Variants in ABCA3 observed in about 807,000 individuals in gnomAD.
ABCA3 encodes the protein ATP binding cassette subfamily A member 3.
ABCA3 carries 88 observed loss-of-function variants against 172.8 expected under a neutral mutation model. That is an observed-to-expected ratio of 0.51 (90% CI 0.43 to 0.61). ABCA3 has a LOEUF of 0.61. ABCA3 is among the 20% of genes least tolerant of loss of function. The pLI, the probability that ABCA3 is intolerant of heterozygous loss-of-function variation, is 0.00. For missense variants in ABCA3, 2,164 were observed against 2,301.0 expected (o/e 0.94, Z 1.22); for synonymous variants, 1,066 against 983.8 (o/e 1.08, Z -1.56).
intron 6 of ABCA3, among the ~76,000 whole-genome samples, 193 bp from the exon 7 acceptor site, chr16:2,323,881 CA>C (rs1425634389): frequency 2.0e-5 from 3 of 152,136 alleles, no homozygotes; most frequent in Non-Finnish European, 4.4e-5. Context: ...GGGAGCCACA[CA>C]GGGGCCCCTT....
In ABCA3 at chr16:2,283,406, T is replaced by C; in HGVS notation, c.3863-48A>G. The stretch of plus-strand genomic sequence containing the variant: ...TGCCCCGAGGCCTGGGGCACCCTCC[T>C]CCCCTTCCAGGTTCCCGGCCCCCAC... On this transcript the variant is annotated intron_variant, in intron 25 of 32. Coordinates refer to ENST00000301732, the MANE Select transcript of ABCA3 (RefSeq NM_001089.3). The surrounding 1 kb of genome is among the most constrained non-coding windows in gnomAD (Gnocchi z 5.4). 6.3e-7 allele frequency: 1 copy of C among 1,596,752 alleles called. No individual in the cohort carries two copies.
At position 2,324,393 on chromosome 16, in the gene ABCA3, G is replaced by A. The variant is rs117031141; in HGVS notation, c.447+11C>T. 37,155 of 1,587,038 alleles carry A rather than the reference G, an allele frequency of 0.023. 524 individuals are homozygous for A. Among genetic ancestry groups the A allele is most frequent in the Non-Finnish European group, 0.027 (31,205 of 1,172,490 alleles). ...TGGGCTGTGACTGCTCGGCCCGGCC[G>A]CACGTCTCACCGCCAGCGGCAGGGG... is the stretch of plus-strand genomic sequence containing the variant. On this transcript the variant is annotated intron_variant, in intron 6 of 32. Transcript: ENST00000301732.
At position 2,311,193 on chromosome 16, in the gene ABCA3, C is replaced by T. The variant is rs1484354888; in HGVS notation, c.1112-2570G>A. On this transcript the variant is annotated intron_variant, in intron 10 of 32. Transcript: ENST00000301732. ...TTCACCATGTTGGCCAGGGTGGTCT[C>T]GATCTCTTGACCTCGTGATCCGCCT... is the stretch of plus-strand genomic sequence containing the variant. 2.0e-5 allele frequency among the ~76,000 whole-genome samples: 3 copies of T among 151,544 alleles called. No homozygotes were observed. In the South Asian group the frequency reaches 6.3e-4, roughly 32 times the overall value.
chr16:2,308,399 C>G (rs1457554353), intron 11 of ABCA3, 51 bp downstream of exon 11: 9 of 1,611,206 alleles, frequency 5.6e-6, no homozygotes, highest in Non-Finnish European at 6.8e-6. Context: ...GTTGGGTGCT[C>G]TCGAAGGTTA....
At chr16:2,332,233 C>CTTT in intron 1 of ABCA3, 1 of 365,026 alleles carries the variant, frequency 2.7e-6, no homozygotes, top group South Asian at 4.4e-5. Context: ...TCCTCCATTT[C>CTTT]TTTTTTTTTT....
intron 10 of ABCA3, among the ~76,000 whole-genome samples, chr16:2,316,490 CAAAAAAAAAAAAAAAAA>C (rs71148128): frequency 9.4e-4 from 27 of 28,876 alleles, no homozygotes; most frequent in Non-Finnish European, 1.8e-3. Flanking sequence ...ACTAAAAATG[CAAAAAAAAAAAAAAAAA>C]AAAAAAAAAA....
chr16:2,322,187 A>G (rs2093727142), intron 7 of ABCA3, among the ~76,000 whole-genome samples: 1 of 149,914 alleles, frequency 6.7e-6, no homozygotes, highest in African/African-American at 2.5e-5. Context: ...ACAGAGCAAG[A>G]TTCTGTCTGA....
rs909486169 is a variant in ABCA3 at position 2,314,743 on chromosome 16, A to C, written c.1111+2540T>G. ...AGGCATGTGCCACCACACCTGGCTA[A>C]TTTTGTATTTTTAGTAGAGACAGGG... On this transcript the variant is annotated intron_variant, in intron 10 of 32. Transcript: ENST00000301732. 8.7e-5 allele frequency among the ~76,000 whole-genome samples: 13 copies of C among 149,882 alleles called. 1 individual carries two copies. The Admixed American group carries it at 8.7e-4, about 10-fold the overall frequency.
At position 2,297,806 on chromosome 16, in the gene ABCA3, C is replaced by A. The variant is rs759555069; in HGVS notation, c.2012G>T (p.Arg671Leu). Residue 671 changes from arginine (R) to leucine (L), a missense_variant, in exon 16 of 33, where the codon CGC (arginine) becomes CTC (leucine). Physicochemically the swap from Arg to Leu is moderately radical, Grantham distance 102 (BLOSUM62 -2). Around this residue, in one of 3 missense-constraint regions of ABCA3, gnomAD observed 1,343 missense variants for 1,369.6 expected, o/e 0.98. Coordinates refer to ENST00000301732, the MANE Select transcript of ABCA3 (RefSeq NM_001089.3). The surrounding 1 kb of genome is among the most constrained non-coding windows in gnomAD (Gnocchi z 5.6). ...GAGGGCGATGCCGATGGAGAGCTTG[C>A]GCCTCATGCCCCCGCTCAGGAAGCG... ...RSRFLSGGMR[R>L]KLSIGIALIA... The A allele has an allele frequency of 3.7e-6, 6 of 1,613,298 alleles. No individual in the cohort carries two copies. The highest frequency in any genetic ancestry group is 1.3e-5 in the African/African-American group (1 of 74,942).
chr16:2,284,562 G>A lies in ABCA3; in HGVS notation c.3704-125C>T. 9.2e-6 allele frequency: 13 copies of A among 1,418,754 alleles called. No individual in the cohort carries two copies. Among genetic ancestry groups the A allele is most frequent in the Non-Finnish European group, 1.3e-5 (13 of 1,013,294 alleles). 87.9% of individuals were successfully genotyped at this position (1,418,754 alleles called of 1,614,324 possible). On this transcript the variant is annotated intron_variant, in intron 24 of 32. Coordinates refer to ENST00000301732, the MANE Select transcript of ABCA3 (RefSeq NM_001089.3). This position sits in a 1 kb window ranked among gnomAD's most constrained non-coding sequence, Gnocchi z 5.9. ...TGTGGAGTGAGGGGGCACCTCCCAGGGACGCCCCTGCCGGCTCTGCACAGG... is the reference window on the plus strand; with the variant it reads ...TGTGGAGTGAGGGGGCACCTCCCAGAGACGCCCCTGCCGGCTCTGCACAGG...
intron 7 of ABCA3, among the ~76,000 whole-genome samples, chr16:2,320,121 C>T (rs1175094851): frequency 2.0e-5 from 3 of 150,494 alleles, no homozygotes; most frequent in South Asian, 2.1e-4. Flanking sequence ...TTTTTTGAGA[C>T]GGAATCTCAC....
At chr16:2,317,236 C>T (rs1268475841) in intron 10 of ABCA3, 47 bp downstream of exon 10, 3 of 1,611,738 alleles carry the variant, frequency 1.9e-6, no homozygotes, top group Non-Finnish European at 1.7e-6. Flanking sequence ...ATGCAGATGG[C>T]CCTTGGCCCC....
chr16:2,306,999 A>G (rs1455329967), intron 11 of ABCA3, among the ~76,000 whole-genome samples: 9 of 132,624 alleles, frequency 6.8e-5, no homozygotes, highest in Admixed American at 8.5e-5. Context: ...TGGGTGAAAG[A>G]GTGAGAGACT....
At chr16:2,320,940 A>G (rs1306954605) in intron 7 of ABCA3, among the ~76,000 whole-genome samples, 1 of 145,324 alleles carries the variant, frequency 6.9e-6, no homozygotes, top group Admixed American at 6.9e-5. Context: ...AAAGATATTT[A>G]CTCTGTGTCA....
intron 3 of ABCA3, 95 bp downstream of exon 3, chr16:2,328,358 T>C: frequency 2.6e-6 from 1 of 383,184 alleles, no homozygotes; most frequent in South Asian, 1.9e-5. Flanking sequence ...AGCAAGACCC[T>C]ATCTCTATAC....
At chr16:2,329,080 A>G (rs1033482553) in intron 2 of ABCA3, among the ~76,000 whole-genome samples, 1 of 151,984 alleles carries the variant, frequency 6.6e-6, no homozygotes, top group African/African-American at 2.4e-5. Flanking sequence ...AAATATTTAC[A>G]TGAAATACAA....
In ABCA3 at chr16:2,283,838, G is replaced by A. The variant is rs2093658737; in HGVS notation, c.3862+441C>T. On this transcript the variant is annotated intron_variant, in intron 25 of 32. Transcript: ENST00000301732. The surrounding 1 kb of genome is among the most constrained non-coding windows in gnomAD (Gnocchi z 5.4). ...ATTAGTGTGGGCCTTAAACCCAACA[G>A]CAAGTGTCCTTATAAGAGAAATGCA... 3 of 236,098 alleles carry A rather than the reference G, an allele frequency of 1.3e-5. No individual in the cohort carries two copies. Among genetic ancestry groups the A allele is most frequent in the Non-Finnish European group, 2.5e-5 (3 of 119,568 alleles). The allele number at this position is 236,098 out of a possible 1,614,324, so 14.6% of individuals were successfully genotyped here.
Position 2,286,294 on chromosome 16 carries a change from G to A in ABCA3, c.3278+400C>T, listed in dbSNP as rs1037920580. Reference sequence around the variant, plus strand: ...GCAGGCTCCCGACGTGCGGCCATCTGAGGAACAGGGACGGCAGTTCTTGCC... The same window carrying A: ...GCAGGCTCCCGACGTGCGGCCATCTAAGGAACAGGGACGGCAGTTCTTGCC... On this transcript the variant is annotated intron_variant, in intron 22 of 32. Transcript: ENST00000301732. The surrounding 1 kb of genome is among the most constrained non-coding windows in gnomAD (Gnocchi z 5.2). 6.6e-6 allele frequency among the ~76,000 whole-genome samples: 1 copy of A among 152,236 alleles called. No individual in the cohort carries two copies. The highest frequency in any genetic ancestry group is 2.4e-5 in the African/African-American group (1 of 41,464).
chr16:2,300,225 C>T, intron 12 of ABCA3, 77 bp from the exon 13 acceptor site: 4 of 1,591,974 alleles, frequency 2.5e-6, no homozygotes, highest in Non-Finnish European at 3.4e-6. Flanking sequence ...ACACTAGATG[C>T]ACACAGCCAT....
Sources: gnomAD v4.1 joint callset for allele counts (sites outside exome capture counted in the v4.1 genomes callset) on GRCh38, gnomAD v4.1.1 for gene constraint, gnomAD v4.1.1 regional missense constraint, Gnocchi (gnomAD v3.1) non-coding constraint, MANE v1.5 for transcripts, NCBI Gene and HGNC (gene_info 2026-07-23, HGNC 2026-07-21) for gene names.